Variants in PPFIBP1 observed in about 807,000 individuals in gnomAD.
PPFIBP1 encodes the protein PPFIB scaffold protein 1.
A neutral mutation model predicts 137.8 loss-of-function variants in PPFIBP1; 112 were observed. The ratio of observed to expected loss-of-function variants is 0.81; its 90% confidence interval spans 0.70 to 0.95. PPFIBP1 has a LOEUF of 0.95. Ranked by LOEUF, PPFIBP1 falls within the 40% of genes least tolerant of loss-of-function variation. PPFIBP1 has a pLI of 0.00. For synonymous variants in PPFIBP1, 378 were observed against 417.3 expected, an observed-to-expected ratio of 0.91 and a Z score of 1.15; for missense variants, 1,083 against 1,196.6, an observed-to-expected ratio of 0.91 and a Z score of 1.40.
chr12:27,551,869 A>T (rs907129414), intron 1 of PPFIBP1, among the ~76,000 whole-genome samples: 2 of 152,232 alleles, frequency 1.3e-5, no homozygotes, highest in Non-Finnish European at 2.9e-5. Context: ...ATTAAAAATA[A>T]ATTTTGACAG....
At chr12:27,612,107 G>A (rs984438242) in intron 2 of PPFIBP1, among the ~76,000 whole-genome samples, 1 of 152,160 alleles carries the variant, frequency 6.6e-6, no homozygotes, top group African/African-American at 2.4e-5. Context: ...TGGACTGAAT[G>A]TTTATTGCAA....
At chr12:27,625,582 T>G (rs11049072) in intron 2 of PPFIBP1, among the ~76,000 whole-genome samples, 45,592 of 145,788 alleles carry the variant, frequency 0.31, 7,556 homozygotes, top group Middle Eastern at 0.39. Flanking sequence ...TTTTTACAGT[T>G]TTTTTTTTTT....
intron 1 of PPFIBP1, among the ~76,000 whole-genome samples, chr12:27,576,836 C>T (rs1211274766): frequency 6.6e-6 from 1 of 152,196 alleles, no homozygotes. Flanking sequence ...AAAGTGAAAT[C>T]GCTGTGCCCA....
chr12:27,633,281 T>A, intron 2 of PPFIBP1, 81 bp from the exon 3 acceptor site: 1 of 926,780 alleles, frequency 1.1e-6, no homozygotes, highest in African/African-American at 1.6e-5. Context: ...ACAGCAGAGT[T>A]ATCATTTGAA....
intron 2 of PPFIBP1, among the ~76,000 whole-genome samples, chr12:27,587,082 T>G (rs1330643227): frequency 6.6e-6 from 1 of 152,192 alleles, no homozygotes; most frequent in Non-Finnish European, 1.5e-5. Flanking sequence ...AATACCTAGA[T>G]GCTAGTCTGC....
intron 24 of PPFIBP1, 150 bp from the exon 25 acceptor site, chr12:27,687,235 T>A: frequency 1.2e-6 from 1 of 868,056 alleles, no homozygotes; most frequent in Non-Finnish European, 1.6e-6. Context: ...AAGATTTTGT[T>A]CCAAATGGGA....
At chr12:27,653,584 CT>C (rs1404174204) in intron 7 of PPFIBP1, among the ~76,000 whole-genome samples, 1 of 28,930 alleles carries the variant, frequency 3.5e-5, no homozygotes, top group African/African-American at 1.3e-4. Context: ...GAGACTCCAT[CT>C]TAAAAAAAAA....
chr12:27,536,018 T>C (rs528736868), intron 1 of PPFIBP1, among the ~76,000 whole-genome samples: 193 of 152,350 alleles, frequency 1.3e-3, no homozygotes, highest in African/African-American at 4.4e-3. Flanking sequence ...TAAGCCTCCT[T>C]GGTCATTTGT....
chr12:27,638,779 G>A (rs1435098971), intron 4 of PPFIBP1, among the ~76,000 whole-genome samples: 1 of 152,180 alleles, frequency 6.6e-6, no homozygotes, highest in African/African-American at 2.4e-5. Context: ...TCCTCTGACT[G>A]AAGAGAAGCT....
At chr12:27,544,706 C>T (rs569783833) in intron 1 of PPFIBP1, among the ~76,000 whole-genome samples, 1 of 152,246 alleles carries the variant, frequency 6.6e-6, no homozygotes, top group African/African-American at 2.4e-5. Context: ...CATCTCACGC[C>T]CGTTAGAATG....
intron 7 of PPFIBP1, among the ~76,000 whole-genome samples, chr12:27,652,108 C>T (rs994360136): frequency 6.6e-6 from 1 of 152,150 alleles, no homozygotes; most frequent in Non-Finnish European, 1.5e-5. Context: ...TGAATATTCT[C>T]ATGTTCTTGT....
chr12:27,660,363 G>T (rs2059464855), intron 10 of PPFIBP1, among the ~76,000 whole-genome samples: 1 of 152,174 alleles, frequency 6.6e-6, no homozygotes, highest in Admixed American at 6.5e-5. Context: ...ATGAAGCAAA[G>T]TACTTATTAT....
chr12:27,591,966 G>A (rs539730171), intron 2 of PPFIBP1, among the ~76,000 whole-genome samples: 12 of 152,366 alleles, frequency 7.9e-5, no homozygotes, highest in Admixed American at 2.6e-4. Context: ...GATGGGTCAC[G>A]CTGCTACCTA....
At chr12:27,685,684 A>G (rs1224191427) in intron 24 of PPFIBP1, among the ~76,000 whole-genome samples, 1 of 152,140 alleles carries the variant, frequency 6.6e-6, no homozygotes, top group Non-Finnish European at 1.5e-5. Flanking sequence ...GGAACAGAAG[A>G]AGGACCTTAC....
intron 2 of PPFIBP1, among the ~76,000 whole-genome samples, chr12:27,592,126 G>A (rs936679508): frequency 6.6e-6 from 1 of 152,240 alleles, no homozygotes; most frequent in Non-Finnish European, 1.5e-5. Context: ...TTCCCAGGAG[G>A]TTGTGTCCTC....
At chr12:27,647,667 T>C in intron 5 of PPFIBP1, 62 bp from the exon 6 acceptor site, 1 of 965,114 alleles carries the variant, frequency 1.0e-6, no homozygotes, top group South Asian at 2.2e-5. Flanking sequence ...TTTAGAGAAA[T>C]AACGTATGCA....
chr12:27,678,142 G>C (rs1459446400), intron 19 of PPFIBP1: 1 of 152,148 alleles, frequency 6.6e-6, no homozygotes, highest in Admixed American at 6.5e-5. Context: ...CTGAAACACT[G>C]TTCTTGTGAT....
intron 4 of PPFIBP1, among the ~76,000 whole-genome samples, chr12:27,639,637 C>T (rs1424689128): frequency 6.6e-6 from 1 of 152,180 alleles, no homozygotes; most frequent in African/African-American, 2.4e-5. Flanking sequence ...GTAGTAACGC[C>T]AAAGCAGGCA....
intron 4 of PPFIBP1, among the ~76,000 whole-genome samples, chr12:27,644,818 T>C (rs1313162510): frequency 6.6e-6 from 1 of 152,234 alleles, no homozygotes; most frequent in Non-Finnish European, 1.5e-5. Context: ...CCTTACTAAA[T>C]TAGCCTCTGA....
Sources: allele counts gnomAD v4.1 joint callset (sites outside exome capture counted in the v4.1 genomes callset), GRCh38; gene constraint gnomAD v4.1.1; transcripts MANE v1.5; gene names NCBI Gene and HGNC (gene_info 2026-07-23, HGNC 2026-07-21).